Variants in MAGT1 observed in about 807,000 individuals in gnomAD.
MAGT1 encodes magnesium transporter 1, also known as dolichyl-diphosphooligosaccharide--protein glycosyltransferase subunit MAGT1.
A neutral mutation model predicts 28.4 loss-of-function variants in MAGT1; 4 were observed. That is an observed-to-expected ratio of 0.14 (90% CI 0.07 to 0.32). The LOEUF is 0.32. Among genes scored for constraint, MAGT1 ranks in the 10% least tolerant of loss-of-function variants. The probability of loss-of-function intolerance (pLI) is 1.00; values close to 1 mark genes in which losing one functional copy is unlikely to be tolerated. For missense variants in MAGT1, 193 were observed against 264.5 expected (o/e 0.73, Z 1.88); for synonymous variants, 89 against 89.7 (o/e 0.99, Z 0.04).
chrX:77,846,332 G>A (rs141707181), intron 7 of MAGT1, among the ~76,000 whole-genome samples: 2,084 of 111,216 alleles, frequency 0.019, 16 homozygotes, highest in Non-Finnish European at 0.031. Flanking sequence ...TTAGCCATTC[G>A]TCTAACCTTT....
chrX:77,892,063 T>C (rs1281610556), intron 1 of MAGT1, among the ~76,000 whole-genome samples: 3 of 110,777 alleles, frequency 2.7e-5, no homozygotes, highest in Non-Finnish European at 3.8e-5. Flanking sequence ...GGCTAATTTT[T>C]TTTGTATTTT....
At chrX:77,837,095 G>A (rs1312161039) in intron 8 of MAGT1, among the ~76,000 whole-genome samples, 2 of 111,255 alleles carry the variant, frequency 1.8e-5, no homozygotes, top group African/African-American at 6.5e-5. Flanking sequence ...TTCAGTATAT[G>A]TTGCCAAAAT....
chrX:77,890,332 C>T (rs1024130106), intron 1 of MAGT1, among the ~76,000 whole-genome samples: 6 of 112,191 alleles, frequency 5.3e-5, no homozygotes, highest in East Asian at 2.8e-4. Flanking sequence ...GGAAATATAA[C>T]GGGCAGATAA....
At position 77,828,887 on chromosome X, in the gene MAGT1, T is replaced by G. The variant is rs1248475298; in HGVS notation, c.*333A>C. Reference sequence around the variant, plus strand: ...GCAATATAAAATCAGATGACCAAGTTAACTAAAGTAGTTTTGAGCTTTGTT... The same window carrying G: ...GCAATATAAAATCAGATGACCAAGTGAACTAAAGTAGTTTTGAGCTTTGTT... On this transcript the variant is annotated 3_prime_UTR_variant, in exon 10 of 10. Coordinates refer to ENST00000618282, the MANE Select transcript of MAGT1 (RefSeq NM_001367916.1). 5.7e-6 allele frequency: 1 copy of G among 176,170 alleles called. No homozygotes were observed. The highest frequency in any genetic ancestry group is 7.6e-5 in the Admixed American group (1 of 13,184). 14.5% of individuals were successfully genotyped at this position (176,170 alleles called of 1,213,427 possible). A position where few individuals can be genotyped will look rare whatever the true frequency, so the allele number is the denominator to read the frequency against.
chrX:77,872,703 C>T (rs368202760), intron 2 of MAGT1, among the ~76,000 whole-genome samples: 86 of 111,864 alleles, frequency 7.7e-4, no homozygotes, highest in African/African-American at 1.6e-3. Context: ...ATCCAAATCA[C>T]TCCTATTAAC....
At chrX:77,871,037 G>A (rs782726205) in intron 2 of MAGT1, 112 bp from the exon 3 acceptor site, 20 of 561,000 alleles carry the variant, frequency 3.6e-5, no homozygotes, top group Non-Finnish European at 6.0e-5. Context: ...TCCAATGGGA[G>A]AAATAATAAA....
rs889434442 is a variant in MAGT1 at position 77,867,589 on chromosome X, T to C, written c.390+3219A>G. Among the ~76,000 whole-genome samples, 3 of 66,371 alleles carry C rather than the reference T, an allele frequency of 4.5e-5. 1 individual carries two copies. Among genetic ancestry groups the C allele is most frequent in the Non-Finnish European group, 1.2e-4 (3 of 24,573 alleles). 57.6% of individuals were successfully genotyped at this position (66,371 alleles called of 115,157 possible). A position where few individuals can be genotyped will look rare whatever the true frequency, so the allele number is the denominator to read the frequency against. ...GGCACAAGCCTGTAATCCCAGCTAC[T>C]CAGAAGGTTAAGGTGCAAGGATTAC... On this transcript the variant is annotated intron_variant, in intron 3 of 9. Transcript: ENST00000618282.
At chrX:77,857,722 C>T (rs146752003) in intron 3 of MAGT1, among the ~76,000 whole-genome samples, 12 of 111,273 alleles carry the variant, frequency 1.1e-4, no homozygotes, top group Admixed American at 3.9e-4. Context: ...ACACATTCCT[C>T]GCTAAGAAAC....
In MAGT1 at chrX:77,853,913, C is replaced by G; in HGVS notation, c.814G>C (p.Val272Leu). The G allele has an allele frequency of 8.3e-7, 1 of 1,204,477 alleles. No individual in the cohort carries two copies. Among genetic ancestry groups the G allele is most frequent in the Non-Finnish European group, 1.1e-6 (1 of 889,056 alleles). Residue 272 changes from valine (V) to leucine (L), a missense_variant, in exon 7 of 10, where the codon GTT becomes CTT. Transcript: ENST00000618282. ...QAQFVAETHI[V>L]LLFNGGVTLG... ...TGTAAAAGGATACTAAACAGAAGAA[C>G]AATGTGTGTTTCAGCTACAAACTGG...
chrX:77,860,644 T>C (rs1042147510), intron 3 of MAGT1, among the ~76,000 whole-genome samples: 1 of 109,749 alleles, frequency 9.1e-6, no homozygotes, highest in Admixed American at 9.7e-5. Flanking sequence ...TAGCCAGGTG[T>C]GGTGGCGCAT....
intron 3 of MAGT1, among the ~76,000 whole-genome samples, chrX:77,858,911 T>C (rs1260069428): frequency 8.9e-6 from 1 of 112,043 alleles, no homozygotes; most frequent in Non-Finnish European, 1.9e-5. Context: ...TGAAAATGTG[T>C]ATAAAAAATA....
At chrX:77,861,440 A>G (rs1179287328) in intron 3 of MAGT1, among the ~76,000 whole-genome samples, 1 of 112,059 alleles carries the variant, frequency 8.9e-6, no homozygotes, top group Non-Finnish European at 1.9e-5. Context: ...AACCCTGTGC[A>G]CCATTGGTGG....
At chrX:77,882,276 T>A (rs1210483995) in intron 1 of MAGT1, among the ~76,000 whole-genome samples, 1 of 111,529 alleles carries the variant, frequency 9.0e-6, no homozygotes. Flanking sequence ...CTATTCAACA[T>A]AGTGTTGGAA....
chrX:77,880,031 G>A (rs928091908), intron 1 of MAGT1, among the ~76,000 whole-genome samples: 2 of 103,303 alleles, frequency 1.9e-5, no homozygotes, highest in Admixed American at 2.1e-4. Flanking sequence ...TAGGGACGGG[G>A]TTTGACCATG....
intron 2 of MAGT1, among the ~76,000 whole-genome samples, chrX:77,873,087 G>T (rs1348637421): frequency 8.9e-6 from 1 of 112,339 alleles, no homozygotes. Context: ...ACTCTTGATT[G>T]CTACTGAGTG....
intron 1 of MAGT1, chrX:77,885,736 C>T (rs1351843442): frequency 1.8e-4 from 20 of 110,536 alleles, no homozygotes; most frequent in Admixed American, 1.2e-3. Flanking sequence ...AATCCCAGCA[C>T]TTTGGGATGC....
At chrX:77,850,064 T>C (rs1224275525) in intron 7 of MAGT1, among the ~76,000 whole-genome samples, 1 of 111,634 alleles carries the variant, frequency 9.0e-6, no homozygotes, top group East Asian at 2.8e-4. Context: ...TAATAATAAA[T>C]ATGTGAATAT....
At chrX:77,839,947 AAAAC>A (rs2076930367) in intron 8 of MAGT1, among the ~76,000 whole-genome samples, 1 of 111,310 alleles carries the variant, frequency 9.0e-6, no homozygotes, top group Admixed American at 9.7e-5. Flanking sequence ...GCGCCCGGCC[AAAAC>A]AAACATTCTT....
chrX:77,857,210 C>G (rs2076983483), intron 4 of MAGT1, 147 bp downstream of exon 4: 1 of 699,150 alleles, frequency 1.4e-6, no homozygotes. Flanking sequence ...ACTCATTCAT[C>G]AAGATGATTC....
Sources: allele counts gnomAD v4.1 joint callset (sites outside exome capture counted in the v4.1 genomes callset), GRCh38; gene constraint gnomAD v4.1.1; transcripts MANE v1.5; gene names NCBI Gene and HGNC (gene_info 2026-07-23, HGNC 2026-07-21).